The following ARB2A variants were observed in gnomAD, a reference collection of about 807,000 sequenced individuals.
ARB2A encodes ARB2 cotranscriptional regulator A.
At chr5:93,627,974 C>T in the ARB2A span, among the ~76,000 whole-genome samples, 1 of 151,806 alleles carries the variant, frequency 6.6e-6, no homozygotes, top group Non-Finnish European at 1.5e-5. Context: ...ATTCACTAAC[C>T]TATGCTGTAA....
At chr5:93,645,423 T>G in the ARB2A span, among the ~76,000 whole-genome samples, 1 of 151,680 alleles carries the variant, frequency 6.6e-6, no homozygotes, top group Non-Finnish European at 1.5e-5. Flanking sequence ...AACACAAAAA[T>G]ATTAGCTGGA....
chr5:94,010,246 T>C, the ARB2A span, among the ~76,000 whole-genome samples: 1 of 152,154 alleles, frequency 6.6e-6, no homozygotes, highest in Non-Finnish European at 1.5e-5. Flanking sequence ...ATATTGCGTC[T>C]TCATTTTCAG....
chr5:94,066,308 A>G, the ARB2A span, among the ~76,000 whole-genome samples: 8 of 152,122 alleles, frequency 5.3e-5, no homozygotes, highest in South Asian at 1.7e-3. Context: ...ACCCAAAATT[A>G]GAAAGGATAA....
chr5:94,046,552 AC>A, the ARB2A span, among the ~76,000 whole-genome samples: 1 of 152,264 alleles, frequency 6.6e-6, no homozygotes, highest in East Asian at 1.9e-4. Context: ...GAAGGCGCCA[AC>A]TTAACTGCCC....
At chr5:93,800,300 A>T in the ARB2A span, among the ~76,000 whole-genome samples, 1 of 151,898 alleles carries the variant, frequency 6.6e-6, no homozygotes, top group Non-Finnish European at 1.5e-5. Context: ...AAAATCTGCA[A>T]GAATACTTTA....
the ARB2A span, among the ~76,000 whole-genome samples, chr5:93,818,649 G>C: frequency 6.6e-6 from 1 of 152,034 alleles, no homozygotes; most frequent in African/African-American, 2.4e-5. Context: ...TTATAATTTA[G>C]TTTAGTCATT....
At chr5:93,950,232 A>T in the ARB2A span, among the ~76,000 whole-genome samples, 1 of 152,164 alleles carries the variant, frequency 6.6e-6, no homozygotes, top group East Asian at 1.9e-4. Flanking sequence ...TATACCTAGC[A>T]ATGGGATTGC....
At chr5:93,678,537 C>CT in the ARB2A span, among the ~76,000 whole-genome samples, 8 of 152,282 alleles carry the variant, frequency 5.3e-5, 1 homozygote, top group South Asian at 6.2e-4. Flanking sequence ...GGGTGGATCA[C>CT]TTGAGGTCAG....
the ARB2A span, among the ~76,000 whole-genome samples, chr5:93,878,313 T>C: frequency 3.9e-5 from 6 of 152,124 alleles, no homozygotes; most frequent in African/African-American, 1.2e-4. Context: ...ATATTTATTA[T>C]GAAGGCTCTG....
chr5:93,875,525 C>T, the ARB2A span, among the ~76,000 whole-genome samples: 1 of 152,262 alleles, frequency 6.6e-6, no homozygotes, highest in South Asian at 2.1e-4. Flanking sequence ...GCCACTGCAA[C>T]CCAGCCTCGG....
the ARB2A span, among the ~76,000 whole-genome samples, chr5:93,751,344 T>C: frequency 1.3e-5 from 2 of 152,238 alleles, no homozygotes; most frequent in Non-Finnish European, 2.9e-5. Flanking sequence ...CAGATATGTA[T>C]GGCTGAAGGG....
At chr5:94,004,249 C>G in the ARB2A span, among the ~76,000 whole-genome samples, 1 of 152,238 alleles carries the variant, frequency 6.6e-6, no homozygotes, top group East Asian at 1.9e-4. Context: ...AAAAGAAAAT[C>G]TTTAGGATCT....
At chr5:93,641,215 T>C in the ARB2A span, among the ~76,000 whole-genome samples, 1 of 150,986 alleles carries the variant, frequency 6.6e-6, no homozygotes, top group Non-Finnish European at 1.5e-5. Flanking sequence ...AAAAAAAAAA[T>C]TATGAGGCCA....
the ARB2A span, chr5:93,862,927 T>A: frequency 6.6e-6 from 1 of 152,138 alleles, no homozygotes; most frequent in Admixed American, 6.6e-5. Context: ...CTGTGCTAAT[T>A]TTTAGAATTA....
the ARB2A span, among the ~76,000 whole-genome samples, chr5:93,780,644 C>G: frequency 6.6e-6 from 1 of 151,326 alleles, no homozygotes; most frequent in South Asian, 2.1e-4. Flanking sequence ...ACTGCAACCT[C>G]CACCTCCTGG....
At chr5:93,831,519 T>C in the ARB2A span, among the ~76,000 whole-genome samples, 715 of 152,210 alleles carry the variant, frequency 4.7e-3, 24 homozygotes, top group Non-Finnish European at 1.1e-3. Flanking sequence ...AGACAGGCAA[T>C]GCAGCCCAGA....
the ARB2A span, among the ~76,000 whole-genome samples, chr5:93,639,459 T>A: frequency 2.0e-5 from 3 of 151,956 alleles, no homozygotes; most frequent in African/African-American, 2.4e-5. Flanking sequence ...TTTTTTTTTT[T>A]AAATCCCACA....
the ARB2A span, among the ~76,000 whole-genome samples, chr5:94,012,259 A>G: frequency 2.3e-4 from 35 of 152,236 alleles, no homozygotes; most frequent in East Asian, 1.4e-3. Flanking sequence ...AAAATTAGCC[A>G]GGCGTGGTGG....
the ARB2A span, among the ~76,000 whole-genome samples, chr5:93,779,649 G>C: frequency 1.5e-3 from 224 of 152,326 alleles, no homozygotes; most frequent in Middle Eastern, 0.014. Context: ...AACAAGCATA[G>C]AGAAAGAAGT....
Sources: gnomAD v4.1 joint callset for allele counts (sites outside exome capture counted in the v4.1 genomes callset) on GRCh38, gnomAD v4.1.1 for gene constraint, MANE v1.5 for transcripts, NCBI Gene and HGNC (gene_info 2026-07-23, HGNC 2026-07-21) for gene names.